PNPLA7: variants seen among roughly 807,000 people sequenced by gnomAD.
The protein encoded by PNPLA7 is patatin-like phospholipase domain-containing protein 7.
A neutral mutation model predicts 161.7 loss-of-function variants in PNPLA7; 153 were observed. That is an observed-to-expected ratio of 0.95 (90% CI 0.83 to 1.08). The LOEUF (loss-of-function observed/expected upper bound fraction) is 1.08, where lower values mean the gene tolerates loss of function less well. PNPLA7 is among the 50% of genes least tolerant of loss of function. The probability of loss-of-function intolerance (pLI) is 0.00; values close to 1 mark genes in which losing one functional copy is unlikely to be tolerated. For synonymous variants in PNPLA7, 809 were observed against 782.1 expected, an observed-to-expected ratio of 1.03 and a Z score of -0.57; for missense variants, 1,739 against 1,856.6, an observed-to-expected ratio of 0.94 and a Z score of 1.16.
chr9:137,470,105 C>T lies in PNPLA7; in HGVS notation c.2883-2632G>A, dbSNP rs147073454. ...GCGGTGTGATCACAGCTCACTGCAG[C>T]CTCAACCTCCTGGGCTCAAGTGATC... On this transcript the variant is annotated intron_variant, in intron 25 of 34. Coordinates refer to ENST00000406427, the MANE Select transcript of PNPLA7 (RefSeq NM_001098537.3). 2.9e-3 allele frequency among the ~76,000 whole-genome samples: 447 copies of T among 152,158 alleles called. 2 individuals carry two copies. The highest frequency in any genetic ancestry group is 5.1e-3 in the Non-Finnish European group (348 of 67,982).
chr9:137,542,405 A>G (rs1484787863), intron 7 of PNPLA7, among the ~76,000 whole-genome samples: 1 of 152,204 alleles, frequency 6.6e-6, no homozygotes, highest in Non-Finnish European at 1.5e-5. Flanking sequence ...CAGGAAGTCC[A>G]GGCCTCAGTG....
At position 137,480,442 on chromosome 9, in the gene PNPLA7, T is replaced by C. The variant is rs1832157741; in HGVS notation, c.2450A>G (p.Gln817Arg). The C allele has an allele frequency of 6.2e-7, 1 of 1,612,654 alleles. No individual in the cohort carries two copies. Among genetic ancestry groups the C allele is most frequent in the Non-Finnish European group, 8.5e-7 (1 of 1,179,346 alleles). The change falls in exon 23 of 35, where the codon CAG (glutamine) becomes CGG (arginine). Residue 817 changes from glutamine (Q) to arginine (R), a missense_variant. Transcript: ENST00000406427. ...EYRLSSWLGQQEDTHRIVLYQ... is the reference protein window; with the variant it reads ...EYRLSSWLGQREDTHRIVLYQ... ...GAGCACGATCCTGTGGGTGTCCTCC[T>C]GCTGCCCCAGCCAGCTGGACAGCCG...
At position 137,543,263 on chromosome 9, in the gene PNPLA7, A is replaced by C. The variant is rs1420318592; in HGVS notation, c.506+169T>G. ...CAGAACAAGAAAGATCTGGTGAAGG[A>C]GCCAGCAGACCACGAGGCCCCGCCA... On this transcript the variant is annotated intron_variant, in intron 6 of 34. Transcript: ENST00000406427. This position sits in a 1 kb window ranked among gnomAD's most constrained non-coding sequence, Gnocchi z 6.9. Among the ~76,000 whole-genome samples, 1 of 152,220 alleles carries C rather than the reference A, an allele frequency of 6.6e-6. No individual in the cohort carries two copies.
In PNPLA7 at chr9:137,547,373, G is replaced by A. The variant is rs373705343; in HGVS notation, c.129C>T (p.Ala43=). The A allele has an allele frequency of 6.2e-7, 1 of 1,613,420 alleles. No homozygotes were observed. The highest frequency in any genetic ancestry group is 1.3e-5 in the African/African-American group (1 of 74,936). ...CACCAACCAAGGCCAGGGCCAGGAG[G>A]GCTCCAACTGCAATCCCCGTCAGCT... The part of the protein sequence containing the change: ...STMLTGIAVG[A]LLALALVGVL... The change falls in exon 3 of 35, where the codon GCC becomes GCT. Residue 43 remains alanine (A), a synonymous_variant. Transcript: ENST00000406427. The surrounding 1 kb of genome is among the most constrained non-coding windows in gnomAD (Gnocchi z 4.6).
At chr9:137,516,447 G>A (rs1022963324) in intron 11 of PNPLA7, 18 of 985,068 alleles carry the variant, frequency 1.8e-5, no homozygotes, top group Non-Finnish European at 1.9e-5. Context: ...GACAGCTGCT[G>A]CCCCATCAAG....
At chr9:137,516,420 G>C (rs1834574828) in intron 11 of PNPLA7, 1 of 984,968 alleles carries the variant, frequency 1.0e-6, no homozygotes, top group African/African-American at 1.8e-5. Context: ...CCTGGTCTCT[G>C]CCAAGACCTC....
Position 137,543,764 on chromosome 9 carries a change from G to A in PNPLA7, c.325C>T (p.Arg109Trp), listed in dbSNP as rs747626695. ...LVENTALPRQ[R>W]ARKRTKVLSL... is the part of the protein sequence containing the mutation. Reference sequence around the variant, plus strand: ...AGCACCTTGGTCCTCTTCCTGGCCCGCTGCCGGGGCAGGGCAGTGTTCTCC... The same window carrying A: ...AGCACCTTGGTCCTCTTCCTGGCCCACTGCCGGGGCAGGGCAGTGTTCTCC... The change falls in exon 5 of 35, where the codon CGG (arginine) becomes TGG (tryptophan). Residue 109 changes from arginine to tryptophan, a missense_variant. This residue lies in a region of PNPLA7 where 209 missense variants were observed against 252.8 expected (regional missense o/e 0.83). Coordinates refer to ENST00000406427, the MANE Select transcript of PNPLA7 (RefSeq NM_001098537.3). This position sits in a 1 kb window ranked among gnomAD's most constrained non-coding sequence, Gnocchi z 6.9. 84 of 1,613,932 alleles carry A rather than the reference G, an allele frequency of 5.2e-5. No homozygotes were observed. The highest frequency in any genetic ancestry group is 1.6e-4 in the Middle Eastern group (1 of 6,084).
At position 137,464,677 on chromosome 9, in the gene PNPLA7, C is replaced by T. The variant is rs527272350; in HGVS notation, c.3040-221G>A. The T allele has an allele frequency of 1.4e-3, 813 of 571,608 alleles. 4 individuals are homozygous for T. Among genetic ancestry groups the T allele is most frequent in the African/African-American group, 0.013 (696 of 53,292 alleles). The allele number at this position is 571,608 out of a possible 1,614,324, so 35.4% of individuals were successfully genotyped here. On this transcript the variant is annotated intron_variant, in intron 26 of 34. Coordinates refer to ENST00000406427, the MANE Select transcript of PNPLA7 (RefSeq NM_001098537.3). ...TGAAAGCCAGGACACAGCCCACCCT[C>T]GGTCCCTTCCTGATCCCTAAGCCCT...
At chr9:137,531,268 G>C (rs1035199767) in intron 8 of PNPLA7, among the ~76,000 whole-genome samples, 19 of 152,266 alleles carry the variant, frequency 1.2e-4, no homozygotes, top group African/African-American at 4.6e-4. Context: ...CTCCACTCTG[G>C]AATCAGGGAG....
chr9:137,484,768 C>T (rs1300585875), intron 20 of PNPLA7, 32 bp from the exon 21 acceptor site: 1 of 1,570,386 alleles, frequency 6.4e-7, no homozygotes, highest in East Asian at 2.3e-5. Context: ...TCAGCTGGGA[C>T]AGCCCACACG....
At chr9:137,496,122 C>A (rs1195331979) in intron 18 of PNPLA7, among the ~76,000 whole-genome samples, 1 of 148,372 alleles carries the variant, frequency 6.7e-6, no homozygotes, top group Non-Finnish European at 1.5e-5. Flanking sequence ...TTTTTTCAGA[C>A]GGAGTTTAGT....
intron 11 of PNPLA7, among the ~76,000 whole-genome samples, chr9:137,516,878 G>A (rs541657343): frequency 1.3e-5 from 2 of 151,602 alleles, no homozygotes; most frequent in East Asian, 3.9e-4. Context: ...CTGGGAAAAA[G>A]CACATCAGCC....
intron 20 of PNPLA7, among the ~76,000 whole-genome samples, chr9:137,488,805 G>C (rs1042713351): frequency 7.3e-6 from 1 of 137,618 alleles, no homozygotes; most frequent in East Asian, 2.1e-4. Context: ...ACTGTCCACC[G>C]CCCACACCAG....
intron 20 of PNPLA7, chr9:137,491,357 A>G (rs1832753507): frequency 1.7e-6 from 1 of 579,068 alleles, no homozygotes; most frequent in African/African-American, 2.0e-5. Context: ...ACGTAACAGA[A>G]TAATTACACT....
chr9:137,491,654 C>T (rs1832769035), intron 20 of PNPLA7: 36 of 985,478 alleles, frequency 3.7e-5, no homozygotes, highest in Non-Finnish European at 4.2e-5. Context: ...TGCAGAGGAA[C>T]TCAGATGAAG....
At chr9:137,503,413 A>C (rs1307246581) in intron 14 of PNPLA7, among the ~76,000 whole-genome samples, 2 of 144,672 alleles carry the variant, frequency 1.4e-5, no homozygotes, top group Non-Finnish European at 3.0e-5. Context: ...AGGGAGAAGG[A>C]GAAGAAAGAA....
At chr9:137,525,586 C>T (rs927760021) in intron 8 of PNPLA7, among the ~76,000 whole-genome samples, 14 of 152,210 alleles carry the variant, frequency 9.2e-5, no homozygotes, top group African/African-American at 2.7e-4. Context: ...ATGTATTTCT[C>T]GGAGAGATCA....
At chr9:137,503,769 G>C (rs945487391) in intron 14 of PNPLA7, among the ~76,000 whole-genome samples, 1 of 5,828 alleles carries the variant, frequency 1.7e-4, no homozygotes. Context: ...GAAAGAAAAA[G>C]AAGAAAAAAG....
At position 137,498,066 on chromosome 9, in the gene PNPLA7, C is replaced by A. The variant is rs544007078; in HGVS notation, c.1889+48G>T. 23 of 1,586,072 alleles carry A rather than the reference C, an allele frequency of 1.5e-5. No homozygotes were observed. In the South Asian group the frequency reaches 2.1e-4, roughly 15 times the overall value. ...GTGCTTTGCCCATCCCCAGCTCCTG[C>A]ATGCCAGGGCAGCATGGATGCGGAG... On this transcript the variant is annotated intron_variant, in intron 17 of 34. Transcript: ENST00000406427.
Sources: gnomAD v4.1 joint callset for allele counts (sites outside exome capture counted in the v4.1 genomes callset) on GRCh38, gnomAD v4.1.1 for gene constraint, gnomAD v4.1.1 regional missense constraint, Gnocchi (gnomAD v3.1) non-coding constraint, MANE v1.5 for transcripts, NCBI Gene and HGNC (gene_info 2026-07-23, HGNC 2026-07-21) for gene names.